Variants in PCDHGA3 observed in about 807,000 individuals in gnomAD.
The protein encoded by PCDHGA3 is protocadherin gamma subfamily A, 3, also known as protocadherin gamma-A3.
PCDHGA3 carries 40 observed loss-of-function variants against 58.5 expected under a neutral mutation model. The ratio of observed to expected loss-of-function variants is 0.68; its 90% CI spans 0.53 to 0.89. The LOEUF (loss-of-function observed/expected upper bound fraction) is 0.89. Among genes scored for constraint, PCDHGA3 ranks in the 40% least tolerant of loss-of-function variants. The probability of loss-of-function intolerance (pLI) is 0.00; values close to 1 mark genes in which losing one functional copy is unlikely to be tolerated. For missense variants in PCDHGA3, 1,223 were observed against 1,195.9 expected, an observed-to-expected ratio of 1.02 and a Z score of -0.33; for synonymous variants, 530 against 525.7, an observed-to-expected ratio of 1.01 and a Z score of -0.11.
chr5:141,423,086 T>TG, intron 1 of PCDHGA3: 1 of 1,613,912 alleles, frequency 6.2e-7, no homozygotes, highest in South Asian at 1.1e-5. Flanking sequence ...CTCTTCGCGG[T>TG]GGGGGAGCAC....
At chr5:141,418,128 T>C (rs1386757111) in intron 1 of PCDHGA3, 1 of 1,614,090 alleles carries the variant, frequency 6.2e-7, no homozygotes, top group South Asian at 1.1e-5. Flanking sequence ...AAGGACCGAA[T>C]AGACCGTGAG....
chr5:141,371,874 A>G, intron 1 of PCDHGA3: 2 of 1,613,474 alleles, frequency 1.2e-6, no homozygotes, highest in Non-Finnish European at 1.7e-6. Flanking sequence ...CATCGTGGCC[A>G]GTGACCTGGA....
intron 1 of PCDHGA3, chr5:141,399,027 A>G (rs1427563902): frequency 6.2e-7 from 1 of 1,613,788 alleles, no homozygotes; most frequent in Non-Finnish European, 8.5e-7. Context: ...TTACCACTCA[A>G]AAGAAACTGG....
intron 1 of PCDHGA3, among the ~76,000 whole-genome samples, chr5:141,473,267 C>G (rs1458810488): frequency 1.3e-5 from 2 of 152,248 alleles, no homozygotes; most frequent in African/African-American, 2.4e-5. Flanking sequence ...TTAGTGTATG[C>G]TATGATTATT....
chr5:141,389,766 C>T (rs1217222336), intron 1 of PCDHGA3: 2 of 1,613,060 alleles, frequency 1.2e-6, no homozygotes, highest in East Asian at 4.5e-5. Context: ...GCGCACAGCG[C>T]GTGCCTTAGG....
rs770596172 is a variant in PCDHGA3, at chr5:141,487,664, G to A, written c.2425-7143G>A. ...AATGCTTGAGGGTTATTCTGATCCA[G>A]GCATATGGCTAGGCCATGTCCTAGA... On this transcript the variant is annotated intron_variant, in intron 1 of 3. Transcript: ENST00000253812. The surrounding 1 kb of genome is among the most constrained non-coding windows in gnomAD (Gnocchi z 5.0). 1.9e-5 allele frequency: 31 copies of A among 1,613,048 alleles called. No individual in the cohort carries two copies. The South Asian group carries it at 3.4e-4, about 18-fold the overall frequency.
chr5:141,505,345 G>A (rs776607130), intron 2 of PCDHGA3, 48 bp from the exon 3 acceptor site: 13 of 1,613,086 alleles, frequency 8.1e-6, no homozygotes, highest in Non-Finnish European at 1.1e-5. Flanking sequence ...AGGGGCATGA[G>A]CTGTGCCGGC....
chr5:141,426,542 T>C, intron 1 of PCDHGA3: 1 of 347,918 alleles, frequency 2.9e-6, no homozygotes, highest in South Asian at 2.2e-5. Context: ...AACATACTTG[T>C]GAGTGACAGA....
At chr5:141,451,954 G>A (rs2098729151) in intron 1 of PCDHGA3, among the ~76,000 whole-genome samples, 1 of 152,084 alleles carries the variant, frequency 6.6e-6, no homozygotes, top group Non-Finnish European at 1.5e-5. Flanking sequence ...CCGAGAAAGT[G>A]ACATACCATC....
rs773729429 is a variant in PCDHGA3, at chr5:141,491,406, C to T, written c.2425-3401C>T. ...CGAAGTGCCTTCAGGGAAACGCAGA[C>T]GGGGACGGGGGTGGAGGGCAGTGCT... On this transcript the variant is annotated intron_variant, in intron 1 of 3. Transcript: ENST00000253812. The surrounding 1 kb of genome is among the most constrained non-coding windows in gnomAD (Gnocchi z 6.9). The T allele has an allele frequency of 1.2e-6, 2 of 1,614,096 alleles. No homozygotes were observed. The highest frequency in any genetic ancestry group is 1.7e-6 in the Non-Finnish European group (2 of 1,179,990).
At chr5:141,393,842 T>C (rs1010461527) in intron 1 of PCDHGA3, 5 of 1,613,948 alleles carry the variant, frequency 3.1e-6, no homozygotes, top group Non-Finnish European at 4.2e-6. Context: ...TAAATGACAA[T>C]AGACCAGAAG....
At chr5:141,410,697 T>G in intron 1 of PCDHGA3, 1 of 1,489,152 alleles carries the variant, frequency 6.7e-7, no homozygotes, top group Non-Finnish European at 9.0e-7. Context: ...TACTTTATTT[T>G]CATATCTAGA....
Position 141,344,227 on chromosome 5 carries a change from G to T in PCDHGA3, c.194G>T (p.Arg65Leu), listed in dbSNP as rs1757387656. The T allele has an allele frequency of 6.2e-7, 1 of 1,614,052 alleles. No individual in the cohort carries two copies. The highest frequency in any genetic ancestry group is 1.1e-5 in the South Asian group (1 of 91,084). ...CGGGAGCTGGCGGAGCGCGGAGTCC[G>T]CATCGTCTCCAGAGGTAGGACGCAG... is the stretch of plus-strand genomic sequence containing the variant. ...EPRELAERGVRIVSRGRTQLF... is the reference protein window; with the variant it reads ...EPRELAERGVLIVSRGRTQLF... The change falls in exon 1 of 4, where the codon CGC becomes CTC. Residue 65 changes from arginine to leucine, a missense_variant. By Grantham distance (102) the Arg-to-Leu change is moderately radical (BLOSUM62 -2). Around this residue, in one of 3 missense-constraint regions of PCDHGA3, gnomAD observed 791 missense variants for 708.5 expected, o/e 1.12. Transcript: ENST00000253812.
Position 141,344,144 on chromosome 5 carries a change from G to A in PCDHGA3, c.111G>A (p.Glu37=), listed in dbSNP as rs774920004. Residue 37 remains glutamate, a synonymous_variant, in exon 1 of 4, where the codon GAG becomes GAA. Transcript: ENST00000253812. ...GSGQIRYSVS[E]ELDKGSFVGN... ...GTCAGATCCGCTACTCGGTGTCTGA[G>A]GAGCTAGATAAAGGTTCCTTCGTGG... is the stretch of plus-strand genomic sequence containing the variant. 1 of 1,614,052 alleles carries A rather than the reference G, an allele frequency of 6.2e-7. No homozygotes were observed. The highest frequency in any genetic ancestry group is 8.5e-7 in the Non-Finnish European group (1 of 1,179,902).
At chr5:141,362,807 C>T (rs1762681821) in intron 1 of PCDHGA3, among the ~76,000 whole-genome samples, 1 of 152,214 alleles carries the variant, frequency 6.6e-6, no homozygotes, top group Non-Finnish European at 1.5e-5. Context: ...CTTTACATTA[C>T]TTCTCTCTGC....
intron 1 of PCDHGA3, chr5:141,378,627 TG>T (rs1588860853): frequency 6.6e-6 from 1 of 152,240 alleles, no homozygotes; most frequent in Admixed American, 6.5e-5. Context: ...GATGACTGAC[TG>T]GTGAATGGGA....
In PCDHGA3 at chr5:141,477,442, A is replaced by G; in HGVS notation, c.2425-17365A>G. The G allele has an allele frequency of 6.2e-7, 1 of 1,614,132 alleles. No individual in the cohort carries two copies. Among genetic ancestry groups the G allele is most frequent in the Non-Finnish European group, 8.5e-7 (1 of 1,180,022 alleles). ...CCCCTTCCCTCTCAGCCCTTACAAT[A>G]GTGCGTGTTCAAGTGTCCGACATCA... On this transcript the variant is annotated intron_variant, in intron 1 of 3. Coordinates refer to ENST00000253812, the MANE Select transcript of PCDHGA3 (RefSeq NM_018916.4). This position sits in a 1 kb window ranked among gnomAD's most constrained non-coding sequence, Gnocchi z 4.9.
intron 1 of PCDHGA3, chr5:141,350,479 C>A: frequency 6.2e-7 from 1 of 1,613,916 alleles, no homozygotes; most frequent in Middle Eastern, 1.6e-4. Flanking sequence ...ATTATTTCAA[C>A]GTTAGTTTGG....
chr5:141,402,402 T>TTAAGATAC (rs1275769528), intron 1 of PCDHGA3, among the ~76,000 whole-genome samples: 2 of 152,012 alleles, frequency 1.3e-5, no homozygotes, highest in South Asian at 4.1e-4. Context: ...CAGAAAATTG[T>TTAAGATAC]TAAGATACAC....
Sources: gnomAD v4.1 joint callset for allele counts (sites outside exome capture counted in the v4.1 genomes callset) on GRCh38, gnomAD v4.1.1 for gene constraint, gnomAD v4.1.1 regional missense constraint, Gnocchi (gnomAD v3.1) non-coding constraint, MANE v1.5 for transcripts, NCBI Gene and HGNC (gene_info 2026-07-23, HGNC 2026-07-21) for gene names.